TMEM138: variants seen among roughly 807,000 people sequenced by gnomAD.
TMEM138 encodes transmembrane protein 138.
In TMEM138, 9 loss-of-function variants were observed where a neutral mutation model predicts 18.1. That is an observed-to-expected ratio of 0.50 (90% confidence interval 0.30 to 0.87). TMEM138 has a LOEUF of 0.87. Among genes scored for constraint, TMEM138 ranks in the 40% least tolerant of loss-of-function variants. The probability of loss-of-function intolerance (pLI) is 0.06; values close to 1 mark genes in which losing one functional copy is unlikely to be tolerated. For missense variants in TMEM138, 189 were observed against 190.6 expected (o/e 0.99, Z 0.05); for synonymous variants, 79 against 74.8 (o/e 1.06, Z -0.29).
chr11:61,367,889 C>G, intron 3 of TMEM138, 34 bp from the exon 4 acceptor site: 1 of 1,432,370 alleles, frequency 7.0e-7, no homozygotes, highest in Non-Finnish European at 9.8e-7. Context: ...CTTCTTGTGG[C>G]CATTAACTTT....
downstream of TMEM138, among the ~76,000 whole-genome samples, chr11:61,375,258 T>C (rs1858420376): frequency 6.6e-6 from 1 of 152,092 alleles, no homozygotes; most frequent in Admixed American, 6.6e-5. Flanking sequence ...TGAACAAAAT[T>C]TGCAGCATAT....
At chr11:61,370,995 C>T (rs117166042), downstream of TMEM138, among the ~76,000 whole-genome samples, 47 of 152,248 alleles carry the variant, frequency 3.1e-4, no homozygotes, top group East Asian at 7.9e-3. Context: ...AGCCTGGAGA[C>T]TGAGTCACGC....
chr11:61,364,761 G>A (rs1858075195), intron 2 of TMEM138: 1 of 382,528 alleles, frequency 2.6e-6, no homozygotes, highest in Non-Finnish European at 4.8e-6. Flanking sequence ...TAGGCATGGT[G>A]CCACACACCT....
At chr11:61,376,471 G>A (rs187122512), downstream of TMEM138, among the ~76,000 whole-genome samples, 230 of 152,200 alleles carry the variant, frequency 1.5e-3, 1 homozygote, top group Admixed American at 0.014. Context: ...AGTTTGGACC[G>A]AATTCTAATT....
At chr11:61,372,160 A>C (rs1178187894), downstream of TMEM138, among the ~76,000 whole-genome samples, 2 of 141,524 alleles carry the variant, frequency 1.4e-5, no homozygotes, top group East Asian at 4.2e-4. Context: ...TGGGCAACAG[A>C]GCAAGACTCT....
intron 2 of TMEM138, 53 bp downstream of exon 2, chr11:61,364,571 T>G: frequency 6.2e-7 from 1 of 1,608,664 alleles, no homozygotes; most frequent in Non-Finnish European, 8.5e-7. Flanking sequence ...TCAAAGGCCC[T>G]GACAGTGGTG....
downstream of TMEM138, among the ~76,000 whole-genome samples, chr11:61,370,219 G>A (rs1858303185): frequency 6.6e-6 from 1 of 152,168 alleles, no homozygotes; most frequent in African/African-American, 2.4e-5. Flanking sequence ...GTCAGCATCT[G>A]GTTGTAAGGG....
downstream of TMEM138, among the ~76,000 whole-genome samples, chr11:61,374,041 C>T (rs1858401813): frequency 6.6e-6 from 1 of 151,474 alleles, no homozygotes; most frequent in Non-Finnish European, 1.5e-5. Flanking sequence ...TGGGGTTTCG[C>T]CATGTTGGCC....
Position 61,369,432 on chromosome 11 carries a change from ACT to A in TMEM138, c.*728_*729del, listed in dbSNP as rs1402491634. 6.6e-6 allele frequency: 1 copy of A among 152,116 alleles called. No homozygotes were observed. Among genetic ancestry groups the A allele is most frequent in the African/African-American group, 2.4e-5 (1 of 41,402 alleles). 9.4% of individuals were successfully genotyped at this position (152,116 alleles called of 1,614,324 possible). ...CTCCAGATGTGTGTGCTCTGTTCAG[ACT>A]CTCTTTCCTTATCAGAAGCCTTAAC... On this transcript the variant is annotated 3_prime_UTR_variant, in exon 5 of 5. Coordinates refer to ENST00000278826, the MANE Select transcript of TMEM138 (RefSeq NM_016464.5).
chr11:61,376,667 T>A (rs1381141353), downstream of TMEM138, among the ~76,000 whole-genome samples: 1 of 152,242 alleles, frequency 6.6e-6, no homozygotes, highest in Non-Finnish European at 1.5e-5. Context: ...CATACCTGCC[T>A]ACCGATGTAT....
downstream of TMEM138, among the ~76,000 whole-genome samples, chr11:61,374,426 C>T (rs1024483849): frequency 2.6e-5 from 4 of 152,026 alleles, no homozygotes; most frequent in Non-Finnish European, 5.9e-5. Context: ...ACTGGGATTA[C>T]AGGTACGAGC....
downstream of TMEM138, among the ~76,000 whole-genome samples, chr11:61,371,465 C>A (rs1444057968): frequency 6.6e-6 from 1 of 152,170 alleles, no homozygotes; most frequent in African/African-American, 2.4e-5. Context: ...TCTGTGCTGG[C>A]TTTGAACCCT....
chr11:61,373,612 C>A (rs1858393715), downstream of TMEM138, among the ~76,000 whole-genome samples: 1 of 151,290 alleles, frequency 6.6e-6, no homozygotes, highest in Admixed American at 6.6e-5. Context: ...GTTCCAAAAT[C>A]AAATTATAAA....
At position 61,366,037 on chromosome 11, in the gene TMEM138, G is replaced by T. The variant is rs1438561210; in HGVS notation, c.129-8G>T. The T allele has an allele frequency of 1.2e-6, 2 of 1,606,306 alleles. No individual in the cohort carries two copies. Among genetic ancestry groups the T allele is most frequent in the Non-Finnish European group, 1.7e-6 (2 of 1,176,852 alleles). On this transcript the variant is annotated splice_region_variant and splice_polypyrimidine_tract_variant and intron_variant, in intron 2 of 4. Coordinates refer to ENST00000278826, the MANE Select transcript of TMEM138 (RefSeq NM_016464.5). ...CTTCATTGGTTGTACTTTTTTTTAT[G>T]TCTACAGCATCCAGGATATTGCAGT... is the stretch of plus-strand genomic sequence containing the variant.
chr11:61,371,132 T>G (rs1220357228), downstream of TMEM138, among the ~76,000 whole-genome samples: 1 of 152,202 alleles, frequency 6.6e-6, no homozygotes, highest in Non-Finnish European at 1.5e-5. Flanking sequence ...CCTCCTGGGT[T>G]CAAGTGATTC....
At chr11:61,373,198 C>G (rs1024874639), downstream of TMEM138, among the ~76,000 whole-genome samples, 3 of 152,134 alleles carry the variant, frequency 2.0e-5, no homozygotes, top group Non-Finnish European at 4.4e-5. Flanking sequence ...CTATTCAACT[C>G]CTCAAGGCCC....
intron 3 of TMEM138, chr11:61,367,416 G>C (rs370747552): frequency 6.5e-6 from 1 of 152,952 alleles, no homozygotes; most frequent in African/African-American, 2.4e-5. Flanking sequence ...GGTTGTGCTT[G>C]TGATTCCACA....
downstream of TMEM138, among the ~76,000 whole-genome samples, chr11:61,370,670 G>A (rs1223397669): frequency 6.6e-6 from 1 of 152,204 alleles, no homozygotes; most frequent in Admixed American, 6.5e-5. Flanking sequence ...TGTGAAACTT[G>A]TTCTTCAGAG....
chr11:61,369,040 G>A lies in TMEM138; in HGVS notation c.*331G>A. ...CTTGTGAAGCTTTTCCTTTAGCCTG[G>A]GACAGAAGGACCTCCCAGCCCCCAA... On this transcript the variant is annotated 3_prime_UTR_variant, in exon 5 of 5. Transcript: ENST00000278826. 3.9e-6 allele frequency: 1 copy of A among 257,866 alleles called. No homozygotes were observed. The highest frequency in any genetic ancestry group is 7.6e-6 in the Non-Finnish European group (1 of 131,198). 16.0% of individuals were successfully genotyped at this position (257,866 alleles called of 1,614,324 possible). A position where few individuals can be genotyped will look rare whatever the true frequency, so the allele number is the denominator to read the frequency against.
Sources: allele counts gnomAD v4.1 joint callset (sites outside exome capture counted in the v4.1 genomes callset), GRCh38; gene constraint gnomAD v4.1.1; transcripts MANE v1.5; gene names NCBI Gene and HGNC (gene_info 2026-07-23, HGNC 2026-07-21).